The following HSD17B2 variants were observed in gnomAD, a reference collection of about 807,000 sequenced individuals.
HSD17B2 encodes hydroxysteroid 17-beta dehydrogenase 2.
Under a neutral mutation model 26.9 loss-of-function variants are expected in HSD17B2, and 32 were observed. The observed-to-expected ratio is 1.19, with a 90% CI of 0.90 to 1.60. The LOEUF is 1.60. Ranked by LOEUF, HSD17B2 falls within the 40% of genes most tolerant of loss-of-function variation. The pLI is 0.00. For missense variants in HSD17B2, 613 were observed against 468.6 expected (o/e 1.31, Z -2.85); for synonymous variants, 246 against 186.7 (o/e 1.32, Z -2.59).
intron 2 of HSD17B2, among the ~76,000 whole-genome samples, chr16:82,069,853 C>T (rs950133839): frequency 9.9e-5 from 15 of 152,218 alleles, no homozygotes; most frequent in Admixed American, 2.6e-4. Flanking sequence ...ACTGAAACCA[C>T]GTGCAGGACC....
chr16:82,045,885 C>T (rs976807159), intron 1 of HSD17B2, among the ~76,000 whole-genome samples: 2 of 152,242 alleles, frequency 1.3e-5, no homozygotes, highest in Non-Finnish European at 2.9e-5. Context: ...TGATTCTTCT[C>T]AGTCCTGATA....
At chr16:82,047,841 C>G (rs906064377) in intron 1 of HSD17B2, among the ~76,000 whole-genome samples, 6 of 152,066 alleles carry the variant, frequency 3.9e-5, no homozygotes, top group Admixed American at 3.3e-4. Context: ...GCACTATGGC[C>G]CCAGTGAAAA....
chr16:82,087,582 G>C (rs1312754541), intron 3 of HSD17B2, among the ~76,000 whole-genome samples: 3 of 152,308 alleles, frequency 2.0e-5, no homozygotes, highest in East Asian at 3.9e-4. Flanking sequence ...TTAAATGTTT[G>C]ATTCAAAGCA....
chr16:82,059,842 C>A (rs772638615), intron 1 of HSD17B2, among the ~76,000 whole-genome samples: 1 of 152,082 alleles, frequency 6.6e-6, no homozygotes, highest in Non-Finnish European at 1.5e-5. Context: ...AGTTGCTCAT[C>A]TTAACACAGG....
chr16:82,050,188 T>G (rs1482073110), intron 1 of HSD17B2, among the ~76,000 whole-genome samples: 1 of 152,252 alleles, frequency 6.6e-6, no homozygotes, highest in East Asian at 1.9e-4. Flanking sequence ...TTTATATGCT[T>G]GAAACTGAGT....
intron 4 of HSD17B2, 109 bp downstream of exon 4, chr16:82,091,148 G>A (rs1904683173): frequency 9.2e-7 from 1 of 1,091,078 alleles, no homozygotes; most frequent in East Asian, 2.4e-5. Flanking sequence ...TCAAAGATGA[G>A]CACAGCCAGA....
At chr16:82,036,394 ATTTC>A (rs544008941) in intron 1 of HSD17B2, among the ~76,000 whole-genome samples, 82 of 150,878 alleles carry the variant, frequency 5.4e-4, no homozygotes, top group Non-Finnish European at 1.0e-3. Context: ...GCCAAATTAA[ATTTC>A]TTTGAGTTGT....
intron 3 of HSD17B2, among the ~76,000 whole-genome samples, chr16:82,090,642 T>C (rs1014516144): frequency 9.9e-5 from 15 of 151,904 alleles, no homozygotes; most frequent in African/African-American, 3.6e-4. Flanking sequence ...TGCTTAGGAG[T>C]TGGACAAGAT....
chr16:82,082,322 A>G (rs1189831764), intron 3 of HSD17B2, among the ~76,000 whole-genome samples: 1 of 152,074 alleles, frequency 6.6e-6, no homozygotes, highest in Non-Finnish European at 1.5e-5. Context: ...CAGAGTTGGA[A>G]TGTACACATT....
At chr16:82,087,632 T>A (rs999351063) in intron 3 of HSD17B2, among the ~76,000 whole-genome samples, 11 of 152,240 alleles carry the variant, frequency 7.2e-5, no homozygotes, top group African/African-American at 2.7e-4. Flanking sequence ...TATGATCTAC[T>A]GTCAACAAAC....
chr16:82,077,982 G>A (rs1904311598), intron 3 of HSD17B2, among the ~76,000 whole-genome samples: 3 of 152,104 alleles, frequency 2.0e-5, no homozygotes, highest in Admixed American at 6.5e-5. Flanking sequence ...CCAGGACACT[G>A]GAATTGGCAA....
chr16:82,075,766 C>T (rs750099694), intron 3 of HSD17B2, among the ~76,000 whole-genome samples: 3 of 152,026 alleles, frequency 2.0e-5, no homozygotes, highest in Non-Finnish European at 2.9e-5. Context: ...CATGGCTTCA[C>T]TGCTGAATTT....
At chr16:82,091,221 A>G (rs1904685143) in intron 4 of HSD17B2, 182 bp downstream of exon 4, 3 of 707,168 alleles carry the variant, frequency 4.2e-6, no homozygotes, top group South Asian at 3.0e-5. Flanking sequence ...GGAAAGAGCT[A>G]AGCTCCATTC....
intron 1 of HSD17B2, among the ~76,000 whole-genome samples, chr16:82,041,851 C>T (rs549317444): frequency 1.6e-3 from 243 of 152,292 alleles, no homozygotes; most frequent in Non-Finnish European, 2.6e-3. Context: ...TGAGAGAGGA[C>T]TGGCAAATCG....
At chr16:82,096,907 C>G (rs1407321225) in intron 4 of HSD17B2, 2 of 151,980 alleles carry the variant, frequency 1.3e-5, no homozygotes, top group Admixed American at 6.6e-5. Context: ...TATAAATGTT[C>G]AAAACCAGCC....
chr16:82,040,803 T>G (rs554411643), intron 1 of HSD17B2, among the ~76,000 whole-genome samples: 1 of 152,210 alleles, frequency 6.6e-6, no homozygotes, highest in East Asian at 1.9e-4. Flanking sequence ...CTGAGAGCAG[T>G]GAAGGGTAGT....
chr16:82,054,632 A>C (rs576724923), intron 1 of HSD17B2, among the ~76,000 whole-genome samples: 29 of 152,330 alleles, frequency 1.9e-4, no homozygotes, highest in Non-Finnish European at 3.2e-4. Flanking sequence ...GGCGTGAGCC[A>C]CCGGGCTCAG....
Position 82,068,259 on chromosome 16 carries a change from C to T in HSD17B2, c.355C>T (p.Pro119Ser). The change falls in exon 2 of 5, where the codon CCA (proline) becomes TCA (serine). Residue 119 changes from proline to serine, a missense_variant. Pro to Ser is a moderately conservative substitution (Grantham distance 74, BLOSUM62 -1). Transcript: ENST00000199936. ...VFAGVLNENG[P>S]GAEELRRTCS... ...TGCCGGAGTTTTGAATGAAAATGGC[C>T]CAGGAGCTGAGGAATTGCGAAGAAC... The T allele has an allele frequency of 6.2e-7, 1 of 1,613,946 alleles. No homozygotes were observed.
chr16:82,076,398 CAAAA>C (rs1904302512), intron 3 of HSD17B2, among the ~76,000 whole-genome samples: 1 of 151,738 alleles, frequency 6.6e-6, no homozygotes, highest in Non-Finnish European at 1.5e-5. Flanking sequence ...TGCAAGCAGA[CAAAA>C]GAAAGAAATA....
Sources: allele counts gnomAD v4.1 joint callset (sites outside exome capture counted in the v4.1 genomes callset), GRCh38; gene constraint gnomAD v4.1.1; transcripts MANE v1.5; gene names NCBI Gene and HGNC (gene_info 2026-07-23, HGNC 2026-07-21).